Variants in TRAPPC9 observed in about 807,000 individuals in gnomAD.
TRAPPC9 encodes trafficking protein particle complex subunit 9, also known as IKK2 binding protein.
TRAPPC9 carries 83 observed loss-of-function variants against 124.0 expected under a neutral mutation model. That is an observed-to-expected ratio of 0.67 (90% CI 0.56 to 0.80). The LOEUF (loss-of-function observed/expected upper bound fraction) is 0.80, where lower values mean the gene tolerates loss of function less well. Ranked by LOEUF, TRAPPC9 falls within the 30% of genes least tolerant of loss-of-function variation. The pLI, the probability that TRAPPC9 is intolerant of heterozygous loss-of-function variation, is 0.00. For synonymous variants in TRAPPC9, 638 were observed against 617.5 expected (o/e 1.03, Z -0.49); for missense variants, 1,302 against 1,508.3 (o/e 0.86, Z 2.27).
intron 12 of TRAPPC9, 66 bp downstream of exon 12, chr8:140,290,927 T>C: frequency 7.5e-7 from 1 of 1,331,656 alleles, no homozygotes; most frequent in East Asian, 2.3e-5. Context: ...AGACATTAAG[T>C]AAAACCTACT....
In TRAPPC9 at chr8:140,265,500, G is replaced by A. The variant is rs537878000; in HGVS notation, c.2278+10158C>T. Among the ~76,000 whole-genome samples, 55 of 152,294 alleles carry A rather than the reference G, an allele frequency of 3.6e-4. No individual in the cohort carries two copies. The South Asian group carries it at 0.01, about 28-fold the overall frequency. Reference sequence around the variant, plus strand: ...GGAAAGCTGAATAGCTTGGTCGTCCGATTTAATATGTGTTTGCACCTCAAA... The same window carrying A: ...GGAAAGCTGAATAGCTTGGTCGTCCAATTTAATATGTGTTTGCACCTCAAA... On this transcript the variant is annotated intron_variant, in intron 15 of 22. Transcript: ENST00000438773.
chr8:139,867,447 CATG>C (rs1442158496), intron 21 of TRAPPC9, among the ~76,000 whole-genome samples: 1 of 152,148 alleles, frequency 6.6e-6, no homozygotes, highest in African/African-American at 2.4e-5. Context: ...ATCGGATATC[CATG>C]ATGAGGAATC....
chr8:139,855,383 C>A (rs1827736095), intron 21 of TRAPPC9, among the ~76,000 whole-genome samples: 1 of 152,188 alleles, frequency 6.6e-6, no homozygotes, highest in African/African-American at 2.4e-5. Context: ...CCCTAGCAGG[C>A]AGGGGTACCT....
chr8:140,156,981 C>CTTTCCATTCAGAAGCCTCCCT lies in TRAPPC9; in HGVS notation c.2556+64477_2556+64478insAGGGAGGCTTCTGAATGGAAA, dbSNP rs2061647312. On this transcript the variant is annotated intron_variant, in intron 17 of 22. Transcript: ENST00000438773. ...CTCCCTTTTCCATTCAAAAGCCTCC[C>CTTTCCATTCAGAAGCCTCCCT]TTTCCATTCAAAAGCCTCCCTTTTC... Among the ~76,000 whole-genome samples the CTTTCCATTCAGAAGCCTCCCT allele has an allele frequency of 1.6e-3, 64 of 39,312 alleles. 6 individuals carry two copies. Among genetic ancestry groups the CTTTCCATTCAGAAGCCTCCCT allele is most frequent in the African/African-American group, 5.6e-3 (61 of 10,802 alleles). The allele number at this position is 39,312 out of a possible 152,430, so 25.8% of individuals were successfully genotyped here.
rs1422906281 is a variant in TRAPPC9 at position 140,221,596 on chromosome 8, A to G, written c.2432-13T>C. On this transcript the variant is annotated splice_polypyrimidine_tract_variant and intron_variant, in intron 16 of 22. Coordinates refer to ENST00000438773, the MANE Select transcript of TRAPPC9 (RefSeq NM_001160372.4). Reference sequence around the variant, plus strand: ...ACACTGATTCCATCTACAAAATAAGAACAAAAATCATAAGTAACACGTCAG... The same window carrying G: ...ACACTGATTCCATCTACAAAATAAGGACAAAAATCATAAGTAACACGTCAG... The G allele has an allele frequency of 6.2e-7, 1 of 1,612,564 alleles. No individual in the cohort carries two copies. The highest frequency in any genetic ancestry group is 8.5e-7 in the Non-Finnish European group (1 of 1,179,076).
At position 140,063,282 on chromosome 8, in the gene TRAPPC9, C is replaced by T. The variant is rs1842733128; in HGVS notation, c.2557-39203G>A. Among the ~76,000 whole-genome samples, 1 of 152,210 alleles carries T rather than the reference C, an allele frequency of 6.6e-6. No individual in the cohort carries two copies. The highest frequency in any genetic ancestry group is 6.5e-5 in the Admixed American group (1 of 15,284). On this transcript the variant is annotated intron_variant, in intron 17 of 22. Transcript: ENST00000438773. This position sits in a 1 kb window ranked among gnomAD's most constrained non-coding sequence, Gnocchi z 4.3. ...CATATCACCAACACATTTTGGTTTT[C>T]AGTTACTCCTCTTTGGCCCACGTGG...
chr8:140,073,051 A>T (rs781588729), intron 17 of TRAPPC9, among the ~76,000 whole-genome samples: 6 of 152,324 alleles, frequency 3.9e-5, no homozygotes, highest in South Asian at 2.1e-4. Flanking sequence ...ATCCCACTGT[A>T]CCATGGTGAA....
chr8:140,273,387 A>G (rs1200318618), intron 15 of TRAPPC9, among the ~76,000 whole-genome samples: 2 of 152,138 alleles, frequency 1.3e-5, no homozygotes, highest in African/African-American at 2.4e-5. Context: ...CCGGAGTGAC[A>G]CAAGGAGGGA....
At chr8:140,278,309 T>C (rs1455829274) in intron 14 of TRAPPC9, among the ~76,000 whole-genome samples, 1 of 152,186 alleles carries the variant, frequency 6.6e-6, no homozygotes, top group African/African-American at 2.4e-5. Flanking sequence ...TTTGGCCATG[T>C]TGGCCAGGCC....
rs187039096 is a variant in TRAPPC9, at chr8:140,364,043, T to A, written c.1352-3850A>T. Among the ~76,000 whole-genome samples, 83 of 152,152 alleles carry A rather than the reference T, an allele frequency of 5.5e-4. No individual in the cohort carries two copies. In the East Asian group the frequency reaches 0.015, roughly 28 times the overall value. On this transcript the variant is annotated intron_variant, in intron 8 of 22. Coordinates refer to ENST00000438773, the MANE Select transcript of TRAPPC9 (RefSeq NM_001160372.4). ...GGCTGAAAGGACCACTGAGGACCTC[T>A]CCGAAGAAATGGCATCCAGCTGTGA... is the stretch of plus-strand genomic sequence containing the variant.
chr8:140,397,697 G>A lies in TRAPPC9; in HGVS notation c.1057C>T (p.Arg353Cys), dbSNP rs763206060. Residue 353 changes from arginine to cysteine, a missense_variant, in exon 7 of 23, where the codon CGT (arginine) becomes TGT (cysteine). This residue lies in a region of TRAPPC9 where 657 missense variants were observed against 811.2 expected (regional missense o/e 0.81). Transcript: ENST00000438773. ...IELEACIKAVRVLAIQKRSME... is the reference protein window; with the variant it reads ...IELEACIKAVCVLAIQKRSME... ...CTCCGTTTCTGAATTGCAAGGACAC[G>A]TACAGCCTTGATGCACGCTTCCAAC... 9.3e-6 allele frequency: 15 copies of A among 1,613,998 alleles called. No homozygotes were observed. The highest frequency in any genetic ancestry group is 1.6e-4 in the Middle Eastern group (1 of 6,084).
At chr8:140,234,811 G>A (rs1452216174) in intron 16 of TRAPPC9, among the ~76,000 whole-genome samples, 6 of 152,272 alleles carry the variant, frequency 3.9e-5, no homozygotes, top group Admixed American at 3.9e-4. Context: ...GTTAATTCAA[G>A]ATGGTTCATA....
chr8:140,068,750 A>G (rs1428726838), intron 17 of TRAPPC9, among the ~76,000 whole-genome samples: 1 of 152,228 alleles, frequency 6.6e-6, no homozygotes, highest in Non-Finnish European at 1.5e-5. Flanking sequence ...ACGCTTGTTC[A>G]ATCTGCATTC....
intron 21 of TRAPPC9, among the ~76,000 whole-genome samples, chr8:139,850,706 T>C (rs1473414): frequency 0.57 from 86,901 of 151,988 alleles, 27,810 homozygotes; most frequent in African/African-American, 0.85. Context: ...CACTCATCAG[T>C]GGTCCACCCA....
intron 19 of TRAPPC9, among the ~76,000 whole-genome samples, chr8:139,938,166 G>C (rs1191910083): frequency 1.3e-5 from 2 of 152,216 alleles, no homozygotes; most frequent in African/African-American, 2.4e-5. Flanking sequence ...CTCCACCCAT[G>C]GCTTCCTGGC....
At chr8:140,043,899 T>G (rs938895478) in intron 17 of TRAPPC9, among the ~76,000 whole-genome samples, 1 of 152,092 alleles carries the variant, frequency 6.6e-6, no homozygotes, top group Non-Finnish European at 1.5e-5. Flanking sequence ...GCCTGCCCCA[T>G]GGGTGTGGCC....
chr8:139,785,856 A>G (rs1027742433), intron 21 of TRAPPC9, among the ~76,000 whole-genome samples: 2 of 151,120 alleles, frequency 1.3e-5, no homozygotes, highest in African/African-American at 2.5e-5. Flanking sequence ...CAAATCATCA[A>G]TTTTATGAAG....
intron 4 of TRAPPC9, among the ~76,000 whole-genome samples, chr8:140,433,384 T>C (rs990775169): frequency 6.6e-6 from 1 of 151,400 alleles, no homozygotes; most frequent in Non-Finnish European, 1.5e-5. Flanking sequence ...TGGTCTGGAG[T>C]TCAAGACCAG....
chr8:140,085,465 C>G (rs995707677), intron 17 of TRAPPC9, among the ~76,000 whole-genome samples: 1 of 152,058 alleles, frequency 6.6e-6, no homozygotes, highest in African/African-American at 2.4e-5. Flanking sequence ...CTTTTCCATG[C>G]AGAAGCTCTT....
Sources: gnomAD v4.1 joint callset for allele counts (sites outside exome capture counted in the v4.1 genomes callset) on GRCh38, gnomAD v4.1.1 for gene constraint, gnomAD v4.1.1 regional missense constraint, Gnocchi (gnomAD v3.1) non-coding constraint, MANE v1.5 for transcripts, NCBI Gene and HGNC (gene_info 2026-07-23, HGNC 2026-07-21) for gene names.